The following ANO5 variants were observed in gnomAD, a reference collection of about 807,000 sequenced individuals.
ANO5 encodes the protein anoctamin-5.
Under a neutral mutation model 121.0 loss-of-function variants are expected in ANO5, and 109 were observed. The observed-to-expected ratio is 0.90, with a 90% CI of 0.77 to 1.06. The LOEUF (loss-of-function observed/expected upper bound fraction) is 1.06, where lower values mean the gene tolerates loss of function less well. Ranked by LOEUF, ANO5 falls within the 50% of genes least tolerant of loss-of-function variation. ANO5 has a pLI of 0.00. For missense variants in ANO5, 1,064 were observed against 1,078.5 expected, an observed-to-expected ratio of 0.99 and a Z score of 0.19; for synonymous variants, 406 against 359.9, an observed-to-expected ratio of 1.13 and a Z score of -1.45.
intron 18 of ANO5, among the ~76,000 whole-genome samples, chr11:22,271,148 G>T (rs1316002908): frequency 2.6e-5 from 4 of 152,152 alleles, no homozygotes; most frequent in Non-Finnish European, 4.4e-5. Context: ...CGCCTGCTGG[G>T]TTCAAGCGAT....
At chr11:22,197,074 C>T (rs578067633) in intron 1 of ANO5, among the ~76,000 whole-genome samples, 1 of 152,194 alleles carries the variant, frequency 6.6e-6, no homozygotes, top group South Asian at 2.1e-4. Flanking sequence ...CTTTCTAAAT[C>T]ACCTTTAAAT....
Position 22,221,152 on chromosome 11 carries a change from A to G in ANO5, c.236A>G (p.Gln79Arg), listed in dbSNP as rs1395517007. 6.2e-7 allele frequency: 1 copy of G among 1,612,082 alleles called. No individual in the cohort carries two copies. Among genetic ancestry groups the G allele is most frequent in the South Asian group, 1.1e-5 (1 of 91,034 alleles). Residue 79 changes from glutamine to arginine, a missense_variant, in exon 5 of 22, where the codon CAA (glutamine) becomes CGA (arginine). Coordinates refer to ENST00000324559, the MANE Select transcript of ANO5 (RefSeq NM_213599.3). The part of the protein sequence containing the change: ...DSIFFRDGIR[Q>R]IDFVLSYVDD... ...ATCTTCTTCCGAGATGGGATTAGGC[A>G]AATTGATTTTGTGCTTTCCTACGTT...
At chr11:22,208,918 A>AT (rs1590221261) in intron 2 of ANO5, among the ~76,000 whole-genome samples, 1 of 151,914 alleles carries the variant, frequency 6.6e-6, no homozygotes, top group African/African-American at 2.4e-5. Flanking sequence ...ATTGCAGTCA[A>AT]TTTTTTTCAC....
chr11:22,195,663 C>A (rs979935394), intron 1 of ANO5, among the ~76,000 whole-genome samples: 1 of 152,144 alleles, frequency 6.6e-6, no homozygotes, highest in African/African-American at 2.4e-5. Context: ...AACTCCACAG[C>A]TCAGCTGATC....
chr11:22,273,021 G>A, intron 19 of ANO5, 32 bp downstream of exon 19: 1 of 1,591,618 alleles, frequency 6.3e-7, no homozygotes, highest in Non-Finnish European at 8.6e-7. Context: ...GGGTGACTTT[G>A]TATTTCATTT....
Position 22,280,871 on chromosome 11 carries a change from A to C in ANO5, c.*1106A>C, listed in dbSNP as rs1855051061. 6.6e-6 allele frequency: 1 copy of C among 151,998 alleles called. No homozygotes were observed. The highest frequency in any genetic ancestry group is 2.4e-5 in the African/African-American group (1 of 41,442). The allele number at this position is 151,998 out of a possible 1,614,324, so 9.4% of individuals were successfully genotyped here. A position where few individuals can be genotyped will look rare whatever the true frequency, so the allele number is the denominator to read the frequency against. On this transcript the variant is annotated 3_prime_UTR_variant, in exon 22 of 22. Transcript: ENST00000324559. ...TGATTTGATGTGATGTAACATCTTA[A>C]ATGTAAGCTTGTCTTAATGAAATTG... is the stretch of plus-strand genomic sequence containing the variant.
In ANO5 at chr11:22,274,664, G is replaced by C. The variant is rs780695828; in HGVS notation, c.2331G>C (p.Val777=). 4 of 1,613,244 alleles carry C rather than the reference G, an allele frequency of 2.5e-6. No individual in the cohort carries two copies. Among genetic ancestry groups the C allele is most frequent in the Non-Finnish European group, 2.5e-6 (3 of 1,179,560 alleles). Residue 777 remains valine, a synonymous_variant, in exon 20 of 22, where the codon GTG becomes GTC. Transcript: ENST00000324559. ...TNATQPMTGY[V]NNSLSVFLIA... is the part of the protein sequence containing the mutation. ...CCACACAGCCTATGACAGGATATGT[G>C]AATAATAGCCTGTCAGTATTCCTGA...
intron 5 of ANO5, among the ~76,000 whole-genome samples, chr11:22,224,829 A>C (rs1459684039): frequency 6.6e-6 from 1 of 152,132 alleles, no homozygotes; most frequent in African/African-American, 2.4e-5. Context: ...CAGCCATTGA[A>C]AAAATGAAAT....
rs747933251 is a variant in ANO5 at position 22,257,709 on chromosome 11, G to T, written c.1362G>T (p.Thr454=). The part of the protein sequence containing the change: ...KEMEPYMPLY[T]RIPWYFLSGA... ...TGGAACCTTACATGCCTCTATACAC[G>T]CGTATTCCATGGTACTTTCTTTCAG... Residue 454 remains threonine, a synonymous_variant, in exon 14 of 22, where the codon ACG becomes ACT. Coordinates refer to ENST00000324559, the MANE Select transcript of ANO5 (RefSeq NM_213599.3). 1 of 1,612,416 alleles carries T rather than the reference G, an allele frequency of 6.2e-7. No individual in the cohort carries two copies. Among genetic ancestry groups the T allele is most frequent in the South Asian group, 1.1e-5 (1 of 91,034 alleles).
Position 22,250,756 on chromosome 11 carries a change from C to A in ANO5, c.1029C>A (p.Asp343Glu). Residue 343 changes from aspartate to glutamate, a missense_variant, in exon 11 of 22, where the codon GAC (aspartate) becomes GAA (glutamate). Asp to Glu is a conservative substitution (Grantham distance 45). Transcript: ENST00000324559. Reference sequence around the variant, plus strand: ...CCTCTTGCAGCACTGAAATCTGTGACCCTGAGATTGGTGGTCAGATGATCA... The same window carrying A: ...CCTCTTGCAGCACTGAAATCTGTGAACCTGAGATTGGTGGTCAGATGATCA... ...EHNTSSTEIC[D>E]PEIGGQMIMC... The A allele has an allele frequency of 6.2e-7, 1 of 1,613,974 alleles. No individual in the cohort carries two copies. The highest frequency in any genetic ancestry group is 1.3e-5 in the African/African-American group (1 of 75,016).
At chr11:22,244,581 T>C (rs1412884905) in intron 9 of ANO5, among the ~76,000 whole-genome samples, 2 of 151,716 alleles carry the variant, frequency 1.3e-5, no homozygotes, top group Non-Finnish European at 2.9e-5. Flanking sequence ...TTTGTTCTTT[T>C]TTTTTTTTTT....
intron 3 of ANO5, among the ~76,000 whole-genome samples, chr11:22,217,474 T>C (rs774185999): frequency 4.6e-5 from 7 of 151,960 alleles, no homozygotes; most frequent in Non-Finnish European, 8.8e-5. Flanking sequence ...ATACTACACA[T>C]CATATCAGTA....
rs1050456874 is a variant in ANO5 at position 22,204,946 on chromosome 11, T to C, written c.87+1096T>C. The stretch of plus-strand genomic sequence containing the variant: ...CAATAGCAAAGACATGGAATCAACC[T>C]AAATGCCCATCAATGATAGATTGGA... On this transcript the variant is annotated intron_variant, in intron 2 of 21. Transcript: ENST00000324559. 3.9e-5 allele frequency among the ~76,000 whole-genome samples: 6 copies of C among 152,196 alleles called. No individual in the cohort carries two copies. The East Asian group carries it at 1.2e-3, about 29-fold the overall frequency.
chr11:22,227,988 C>T (rs1465968194), intron 7 of ANO5, among the ~76,000 whole-genome samples: 4 of 152,020 alleles, frequency 2.6e-5, no homozygotes, highest in African/African-American at 9.7e-5. Context: ...GTTTTAATTC[C>T]TTTATATATG....
chr11:22,229,234 A>G (rs537718082), intron 7 of ANO5, among the ~76,000 whole-genome samples: 1 of 152,102 alleles, frequency 6.6e-6, no homozygotes, highest in East Asian at 1.9e-4. Context: ...GGTTCTAACA[A>G]TCACAAGATT....
chr11:22,282,495 AAGG>A lies in ANO5; in HGVS notation c.*2735_*2737del, dbSNP rs759751056. On this transcript the variant is annotated 3_prime_UTR_variant, in exon 22 of 22. Coordinates refer to ENST00000324559, the MANE Select transcript of ANO5 (RefSeq NM_213599.3). ...AAGTTATCAAAGAAGAGGAGAAGGA[AAGG>A]AGGACAGATGAAAGTGACGGGAAAT... is the stretch of plus-strand genomic sequence containing the variant. The A allele has an allele frequency of 6.6e-6, 1 of 152,192 alleles. No individual in the cohort carries two copies. The highest frequency in any genetic ancestry group is 1.5e-5 in the Non-Finnish European group (1 of 68,026). The allele number at this position is 152,192 out of a possible 1,614,324, so 9.4% of individuals were successfully genotyped here.
chr11:22,250,860 G>A lies in ANO5; in HGVS notation c.1119+14G>A, dbSNP rs1027398303. The A allele has an allele frequency of 7.4e-6, 12 of 1,612,110 alleles. No homozygotes were observed. In the African/African-American group the frequency reaches 8.0e-5, roughly 11 times the overall value. ...TTGGCTTCAAAGGTATGTATGCATT[G>A]TAACATGTTGAAAAGACTTGGAATT... On this transcript the variant is annotated intron_variant, in intron 11 of 21. Transcript: ENST00000324559.
chr11:22,229,894 C>A (rs909571525), intron 7 of ANO5, among the ~76,000 whole-genome samples: 3 of 151,898 alleles, frequency 2.0e-5, no homozygotes, highest in Non-Finnish European at 4.4e-5. Flanking sequence ...TATCCTCATC[C>A]ATAACACTTG....
Position 22,283,330 on chromosome 11 carries a change from G to C in ANO5, c.*3565G>C, listed in dbSNP as rs895346042. The C allele has an allele frequency of 1.3e-5, 2 of 152,144 alleles. No homozygotes were observed. Among genetic ancestry groups the C allele is most frequent in the Non-Finnish European group, 2.9e-5 (2 of 68,028 alleles). The allele number at this position is 152,144 out of a possible 1,614,324, so 9.4% of individuals were successfully genotyped here. ...ATCTCAAGAGAATCAAATTCACAGA[G>C]TGAATAAAGTAATAATATTAAACTA... On this transcript the variant is annotated 3_prime_UTR_variant, in exon 22 of 22. Coordinates refer to ENST00000324559, the MANE Select transcript of ANO5 (RefSeq NM_213599.3).
Sources: gnomAD v4.1 joint callset for allele counts (sites outside exome capture counted in the v4.1 genomes callset) on GRCh38, gnomAD v4.1.1 for gene constraint, MANE v1.5 for transcripts, NCBI Gene and HGNC (gene_info 2026-07-23, HGNC 2026-07-21) for gene names.